Variants in PDE4D observed in about 807,000 individuals in gnomAD.
PDE4D encodes phosphodiesterase 4D.
A neutral mutation model predicts 87.4 loss-of-function variants in PDE4D; 24 were observed. That is an observed-to-expected ratio of 0.27 (90% CI 0.20 to 0.39). The LOEUF is 0.39. Ranked by LOEUF, PDE4D falls within the 10% of genes least tolerant of loss-of-function variation. The probability of loss-of-function intolerance (pLI) is 1.00; values close to 1 mark genes in which losing one functional copy is unlikely to be tolerated. For missense variants in PDE4D, 714 were observed against 1,041.0 expected (o/e 0.69, Z 4.32); for synonymous variants, 384 against 383.2 (o/e 1.00, Z -0.02).
chr5:60,243,152 T>C (rs1016792120), intron 1 of PDE4D, among the ~76,000 whole-genome samples: 2 of 151,846 alleles, frequency 1.3e-5, no homozygotes, highest in Admixed American at 6.6e-5. Context: ...CAACTGAGAC[T>C]GTAGAAATTC....
At chr5:60,438,466 C>G (rs1744933911) in intron 1 of PDE4D, among the ~76,000 whole-genome samples, 3 of 152,166 alleles carry the variant, frequency 2.0e-5, no homozygotes, top group Admixed American at 2.0e-4. Context: ...AATGTAAGCT[C>G]TATGAGGGTA....
At chr5:59,027,869 C>T (rs746457915) in intron 6 of PDE4D, among the ~76,000 whole-genome samples, 6 of 151,788 alleles carry the variant, frequency 4.0e-5, no homozygotes, top group Non-Finnish European at 7.4e-5. Flanking sequence ...GTGCTCATTG[C>T]TACTGGGGTA....
intron 3 of PDE4D, among the ~76,000 whole-genome samples, chr5:59,973,720 G>C (rs534013153): frequency 6.6e-6 from 1 of 152,168 alleles, no homozygotes; most frequent in Admixed American, 6.5e-5. Context: ...AGGCTCCTCT[G>C]CTTGGGTCTC....
intron 1 of PDE4D, among the ~76,000 whole-genome samples, chr5:59,221,468 C>T (rs1752544814): frequency 6.6e-6 from 1 of 151,906 alleles, no homozygotes. Context: ...ACCATCTTTA[C>T]AAAAAATTTT....
At chr5:59,725,471 A>G (rs1756467821) in intron 1 of PDE4D, among the ~76,000 whole-genome samples, 1 of 152,146 alleles carries the variant, frequency 6.6e-6, no homozygotes, top group South Asian at 2.1e-4. Context: ...AGTACGTAAA[A>G]GAGCAAGAGG....
Position 58,976,373 on chromosome 5 carries a change from C to T in PDE4D, c.1807G>A (p.Asp603Asn), listed in dbSNP as rs1294608194. The T allele has an allele frequency of 1.2e-6, 2 of 1,610,678 alleles. No homozygotes were observed. The highest frequency in any genetic ancestry group is 2.7e-5 in the African/African-American group (2 of 74,868). ...KVTSSGVLLL[D>N]NYSDRIQVLQ... ...ACCTGAATCCTATCGGAATAATTAT[C>T]AAGAAGAAGAACTCCAGAGCTTGTC... Residue 603 changes from aspartate to asparagine, a missense_variant, in exon 13 of 15, where the codon GAT becomes AAT. Transcript: ENST00000340635.
intron 1 of PDE4D, among the ~76,000 whole-genome samples, chr5:60,338,396 G>A (rs902973110): frequency 6.6e-6 from 1 of 152,154 alleles, no homozygotes; most frequent in African/African-American, 2.4e-5. Context: ...TGCTGCTGCC[G>A]CCGCCACTGA....
chr5:59,055,612 C>T (rs1220823529), intron 5 of PDE4D, among the ~76,000 whole-genome samples: 2 of 152,122 alleles, frequency 1.3e-5, no homozygotes, highest in African/African-American at 4.8e-5. Context: ...TCAATTTCTG[C>T]CTTTCACTGC....
rs79975386 is a variant in PDE4D, at chr5:59,613,841, A to C, written c.455+279327T>G. On this transcript the variant is annotated intron_variant, in intron 1 of 14. Transcript: ENST00000340635. The stretch of plus-strand genomic sequence containing the variant: ...GAGGAAAGAACAAATGCCAGAACTT[A>C]TGAAATCTTCAAGATTAACTGATTA... Among the ~76,000 whole-genome samples, 224 of 152,346 alleles carry C rather than the reference A, an allele frequency of 1.5e-3. 2 individuals carry two copies. The highest frequency in any genetic ancestry group is 5.2e-3 in the African/African-American group (217 of 41,582).
chr5:60,081,862 C>T (rs1418208702), intron 2 of PDE4D, among the ~76,000 whole-genome samples: 1 of 152,164 alleles, frequency 6.6e-6, no homozygotes, highest in Non-Finnish European at 1.5e-5. Context: ...CCTCAATGCA[C>T]AGGAAAGTGA....
At chr5:60,122,159 C>G (rs1022215832) in intron 2 of PDE4D, among the ~76,000 whole-genome samples, 1 of 152,208 alleles carries the variant, frequency 6.6e-6, no homozygotes, top group African/African-American at 2.4e-5. Flanking sequence ...CCACTGGCTG[C>G]TTTCATGGGC....
At chr5:60,440,206 C>T (rs542442202) in intron 1 of PDE4D, among the ~76,000 whole-genome samples, 1 of 152,112 alleles carries the variant, frequency 6.6e-6, no homozygotes, top group South Asian at 2.1e-4. Context: ...GCATCCAAAA[C>T]AATACTCTTG....
Position 59,574,430 on chromosome 5 carries a change from A to AT in PDE4D, c.455+318737dup, listed in dbSNP as rs540597720. Among the ~76,000 whole-genome samples the AT allele has an allele frequency of 1.7e-4, 26 of 151,840 alleles. No homozygotes were observed. The South Asian group carries it at 5.2e-3, about 30-fold the overall frequency. Reference sequence around the variant, plus strand: ...ATTAAATAATGTATTATCTCATTGAATCCTTACAGTAAATCTGGGTGATTG... The same window carrying AT: ...ATTAAATAATGTATTATCTCATTGAATTCCTTACAGTAAATCTGGGTGATTG... On this transcript the variant is annotated intron_variant, in intron 1 of 14. Coordinates refer to ENST00000340635, the MANE Select transcript of PDE4D (RefSeq NM_001104631.2).
chr5:60,319,063 A>G (rs1456122800), intron 1 of PDE4D, among the ~76,000 whole-genome samples: 1 of 152,204 alleles, frequency 6.6e-6, no homozygotes, highest in African/African-American at 2.4e-5. Context: ...TCTCCTGGAT[A>G]ATACCCTGCA....
At chr5:60,308,784 C>A (rs1033552511) in intron 1 of PDE4D, among the ~76,000 whole-genome samples, 6 of 152,106 alleles carry the variant, frequency 3.9e-5, no homozygotes, top group African/African-American at 1.2e-4. Flanking sequence ...GATGGCAAAA[C>A]AAATGCCCCA....
chr5:59,399,748 A>C (rs1277576251), intron 1 of PDE4D, among the ~76,000 whole-genome samples: 2 of 117,456 alleles, frequency 1.7e-5, no homozygotes, highest in East Asian at 5.2e-4. Flanking sequence ...TAATTAAACT[A>C]AAGAGCTTCT....
chr5:60,272,490 T>A (rs1480610476), intron 1 of PDE4D, among the ~76,000 whole-genome samples: 1 of 152,252 alleles, frequency 6.6e-6, no homozygotes, highest in Non-Finnish European at 1.5e-5. Context: ...CACACAGGTC[T>A]GCAGATCTTT....
At chr5:60,100,163 A>C (rs1776076233) in intron 2 of PDE4D, among the ~76,000 whole-genome samples, 1 of 151,992 alleles carries the variant, frequency 6.6e-6, no homozygotes, top group African/African-American at 2.4e-5. Context: ...GGACAGTGAG[A>C]AAGGAAGGAA....
At chr5:59,587,080 T>A in intron 1 of PDE4D, 1 of 740,866 alleles carries the variant, frequency 1.3e-6, no homozygotes, top group Non-Finnish European at 1.6e-6. Flanking sequence ...AGATTACCAT[T>A]AACTACCATC....
Sources: gnomAD v4.1 joint callset for allele counts (sites outside exome capture counted in the v4.1 genomes callset) on GRCh38, gnomAD v4.1.1 for gene constraint, MANE v1.5 for transcripts, NCBI Gene and HGNC (gene_info 2026-07-23, HGNC 2026-07-21) for gene names.